The following NRG1 variants were observed in gnomAD, a reference collection of about 807,000 sequenced individuals.
NRG1 encodes pro-neuregulin-1, membrane-bound isoform.
Under a neutral mutation model 63.8 loss-of-function variants are expected in NRG1, and 18 were observed. The observed-to-expected ratio is 0.28, with a 90% confidence interval of 0.19 to 0.42. The LOEUF (loss-of-function observed/expected upper bound fraction) is 0.42, where lower values mean the gene tolerates loss of function less well. Ranked by LOEUF, NRG1 falls within the 10% of genes least tolerant of loss-of-function variation. The pLI is 1.00. For missense variants in NRG1, 762 were observed against 814.7 expected (o/e 0.94, Z 0.79); for synonymous variants, 302 against 301.3 (o/e 1.00, Z -0.02).
chr8:32,198,441 G>A (rs529234249), intron 1 of NRG1, among the ~76,000 whole-genome samples: 1 of 152,318 alleles, frequency 6.6e-6, no homozygotes, highest in Middle Eastern at 3.4e-3. Context: ...GCCTCCCAAA[G>A]TGCTGGGATT....
chr8:32,372,289 G>A (rs940049591), intron 1 of NRG1, among the ~76,000 whole-genome samples: 3 of 151,602 alleles, frequency 2.0e-5, no homozygotes, highest in African/African-American at 7.3e-5. Flanking sequence ...TGTGCCCAGC[G>A]CTGTTTACTG....
chr8:32,247,255 T>C (rs1393041242), intron 1 of NRG1, among the ~76,000 whole-genome samples: 3 of 152,040 alleles, frequency 2.0e-5, no homozygotes, highest in Non-Finnish European at 2.9e-5. Flanking sequence ...ACATCGGGAC[T>C]CAAAGAAAAA....
At chr8:32,672,296 G>A (rs897749497) in intron 5 of NRG1, among the ~76,000 whole-genome samples, 1 of 152,030 alleles carries the variant, frequency 6.6e-6, no homozygotes, top group African/African-American at 2.4e-5. Flanking sequence ...CACCCTCCTT[G>A]GCCTCCCAAA....
chr8:32,019,972 TA>T (rs1292811644), intron 1 of NRG1, among the ~76,000 whole-genome samples: 1 of 152,206 alleles, frequency 6.6e-6, no homozygotes, highest in Non-Finnish European at 1.5e-5. Flanking sequence ...TATTGTACAT[TA>T]TTTCCATTTT....
intron 1 of NRG1, among the ~76,000 whole-genome samples, chr8:32,363,084 C>T (rs1479263472): frequency 1.3e-5 from 2 of 152,196 alleles, no homozygotes; most frequent in Non-Finnish European, 2.9e-5. Flanking sequence ...ATTTGTATCC[C>T]TCTTGGTGCC....
intron 5 of NRG1, among the ~76,000 whole-genome samples, chr8:32,667,499 G>A (rs1217258436): frequency 1.3e-5 from 2 of 152,042 alleles, no homozygotes; most frequent in African/African-American, 4.8e-5. Context: ...TTTTTTTAGT[G>A]AATTTAGTCA....
At chr8:31,692,513 G>C (rs911987285) in intron 1 of NRG1, among the ~76,000 whole-genome samples, 3 of 152,190 alleles carry the variant, frequency 2.0e-5, no homozygotes, top group East Asian at 1.9e-4. Context: ...ATAAGATGAT[G>C]TAATTGCAGG....
intron 1 of NRG1, among the ~76,000 whole-genome samples, chr8:32,574,933 A>T (rs1203826512): frequency 6.6e-6 from 1 of 152,200 alleles, no homozygotes; most frequent in African/African-American, 2.4e-5. Context: ...TCAGAATGCC[A>T]GATTGTGAGA....
intron 1 of NRG1, among the ~76,000 whole-genome samples, chr8:31,809,840 ATT>A (rs145293219): frequency 5.7e-5 from 7 of 122,122 alleles, no homozygotes; most frequent in Admixed American, 8.6e-5. Flanking sequence ...CTCTTTTAGA[ATT>A]TTTTTTTTTT....
At chr8:32,130,481 G>GT (rs1016451298) in intron 1 of NRG1, among the ~76,000 whole-genome samples, 1 of 151,792 alleles carries the variant, frequency 6.6e-6, no homozygotes, top group Admixed American at 6.6e-5. Flanking sequence ...GGAATTGGTG[G>GT]TAATACTGAG....
chr8:32,599,925 C>T (rs1844026112), intron 2 of NRG1, among the ~76,000 whole-genome samples: 1 of 151,874 alleles, frequency 6.6e-6, no homozygotes, highest in South Asian at 2.1e-4. Context: ...TCTATTTTTA[C>T]TGGTTGCTTT....
At chr8:31,993,141 T>G (rs991156834) in intron 1 of NRG1, among the ~76,000 whole-genome samples, 1 of 151,898 alleles carries the variant, frequency 6.6e-6, no homozygotes, top group Non-Finnish European at 1.5e-5. Flanking sequence ...GTCTGTGGGG[T>G]TGACTCGAGT....
intron 3 of NRG1, among the ~76,000 whole-genome samples, chr8:32,612,853 A>G (rs1248594652): frequency 6.6e-6 from 1 of 151,998 alleles, no homozygotes; most frequent in Non-Finnish European, 1.5e-5. Flanking sequence ...AGGACAAGAG[A>G]AGGAAGCATC....
chr8:32,000,056 A>G (rs1039130393), intron 1 of NRG1, among the ~76,000 whole-genome samples: 2 of 152,048 alleles, frequency 1.3e-5, no homozygotes, highest in Admixed American at 1.3e-4. Flanking sequence ...TGGCTAGAGG[A>G]CAGGTACACA....
intron 5 of NRG1, among the ~76,000 whole-genome samples, chr8:32,677,613 T>A (rs1807478788): frequency 6.6e-6 from 1 of 152,004 alleles, no homozygotes; most frequent in Non-Finnish European, 1.5e-5. Flanking sequence ...GCTGAGATCA[T>A]GCCACTGCAC....
chr8:32,205,129 A>G (rs148454119), intron 1 of NRG1, among the ~76,000 whole-genome samples: 4 of 152,296 alleles, frequency 2.6e-5, no homozygotes, highest in African/African-American at 9.6e-5. Context: ...AGAGGCTTAG[A>G]GATGTGTAGG....
At chr8:32,043,098 A>C (rs942206671) in intron 1 of NRG1, among the ~76,000 whole-genome samples, 1 of 152,000 alleles carries the variant, frequency 6.6e-6, no homozygotes, top group Non-Finnish European at 1.5e-5. Flanking sequence ...AGGACCTCAG[A>C]AAACTCAAAA....
chr8:32,027,048 G>A (rs1021833488), intron 1 of NRG1, among the ~76,000 whole-genome samples: 3 of 151,654 alleles, frequency 2.0e-5, no homozygotes, highest in Non-Finnish European at 2.9e-5. Flanking sequence ...CCCTTATATC[G>A]GTACTCTCCT....
At chr8:32,707,329 C>G (rs1480551062) in intron 5 of NRG1, among the ~76,000 whole-genome samples, 2 of 151,924 alleles carry the variant, frequency 1.3e-5, no homozygotes, top group Non-Finnish European at 2.9e-5. Context: ...GAAGATTGTA[C>G]AAACTTAAAA....
Sources: gnomAD v4.1 joint callset for allele counts (sites outside exome capture counted in the v4.1 genomes callset) on GRCh38, gnomAD v4.1.1 for gene constraint, MANE v1.5 for transcripts, NCBI Gene and HGNC (gene_info 2026-07-23, HGNC 2026-07-21) for gene names.